The following BDP1 variants were observed in gnomAD, a reference collection of about 807,000 sequenced individuals.
BDP1 encodes the protein BDP1 general transcription factor IIIB subunit, also known as transcription factor TFIIIB component B'' homolog.
Under a neutral mutation model 266.6 loss-of-function variants are expected in BDP1, and 169 were observed. That is an observed-to-expected ratio of 0.63 (90% CI 0.56 to 0.72). The LOEUF (loss-of-function observed/expected upper bound fraction) is 0.72. Ranked by LOEUF, BDP1 falls within the 30% of genes least tolerant of loss-of-function variation. BDP1 has a pLI of 0.00. For synonymous variants in BDP1, 1,090 were observed against 1,022.4 expected, an observed-to-expected ratio of 1.07 and a Z score of -1.26; for missense variants, 3,015 against 3,053.8, an observed-to-expected ratio of 0.99 and a Z score of 0.30.
chr5:71,549,103 T>G (rs1742554158), intron 33 of BDP1, among the ~76,000 whole-genome samples: 1 of 152,122 alleles, frequency 6.6e-6, no homozygotes, highest in Non-Finnish European at 1.5e-5. Flanking sequence ...CCAGGCACGG[T>G]GGCATGCACC....
chr5:71,506,655 T>G (rs1764591174), intron 16 of BDP1, among the ~76,000 whole-genome samples: 1 of 151,888 alleles, frequency 6.6e-6, no homozygotes, highest in East Asian at 1.9e-4. Context: ...GAGTATTTCT[T>G]TGAAATTTAA....
At chr5:71,548,637 A>G (rs771280140) in intron 32 of BDP1, 45 bp from the exon 33 acceptor site, 1 of 1,245,124 alleles carries the variant, frequency 8.0e-7, no homozygotes, top group Non-Finnish European at 1.2e-6. Context: ...TTTTAAATGT[A>G]AGATTTGGCC....
chr5:71,455,731 G>A lies in BDP1; in HGVS notation c.-147G>A. On this transcript the variant is annotated 5_prime_UTR_variant, in exon 1 of 39. Coordinates refer to ENST00000358731, the MANE Select transcript of BDP1 (RefSeq NM_018429.3). ...GGGAGAGAGGAGGAGGCGGCGGCGG[G>A]GCAGTGAAACTACGGTAGCTGCCCC... 3.0e-6 allele frequency: 2 copies of A among 672,144 alleles called. No individual in the cohort carries two copies. The highest frequency in any genetic ancestry group is 5.0e-6 in the Non-Finnish European group (2 of 398,772). The allele number at this position is 672,144 out of a possible 1,614,324, so 41.6% of individuals were successfully genotyped here.
intron 12 of BDP1, 95 bp downstream of exon 12, chr5:71,495,503 T>C (rs1319072319): frequency 1.1e-5 from 8 of 728,538 alleles, no homozygotes; most frequent in African/African-American, 1.8e-5. Flanking sequence ...GAGGGGATTA[T>C]TAATACATAC....
At chr5:71,552,265 G>C (rs190888619) in intron 34 of BDP1, among the ~76,000 whole-genome samples, 2 of 149,486 alleles carry the variant, frequency 1.3e-5, no homozygotes, top group East Asian at 2.0e-4. Context: ...GATGATGGGC[G>C]GCCGGGCAGA....
the BDP1 span, among the ~76,000 whole-genome samples, chr5:71,573,373 C>T: frequency 6.6e-6 from 1 of 152,206 alleles, no homozygotes; most frequent in South Asian, 2.1e-4. Flanking sequence ...TAATTTTACG[C>T]TCTGCTGCCA....
chr5:71,496,636 G>A (rs1414829353), intron 12 of BDP1, among the ~76,000 whole-genome samples: 1 of 152,130 alleles, frequency 6.6e-6, no homozygotes, highest in African/African-American at 2.4e-5. Flanking sequence ...AGGCTGGAGT[G>A]CAGTGGCACC....
intron 27 of BDP1, 23 bp from the exon 28 acceptor site, chr5:71,539,534 A>G: frequency 5.2e-6 from 8 of 1,550,708 alleles, no homozygotes; most frequent in Non-Finnish European, 7.1e-6. Flanking sequence ...CTTTTTTTTA[A>G]TGTTGATATA....
intron 26 of BDP1, 39 bp downstream of exon 26, chr5:71,532,466 T>G (rs762706870): frequency 6.3e-7 from 1 of 1,594,180 alleles, no homozygotes; most frequent in Non-Finnish European, 8.6e-7. Flanking sequence ...CTTTTATTCT[T>G]TGTTTACTTT....
rs200812578 is a variant in BDP1, at chr5:71,509,465, C to T, written c.2373C>T (p.Ser791=). 16 of 1,546,956 alleles carry T rather than the reference C, an allele frequency of 1.0e-5. No homozygotes were observed. The highest frequency in any genetic ancestry group is 2.3e-5 in the East Asian group (1 of 44,420). ...DEPKVLNECL[S]VQENNKANKL... is the part of the protein sequence containing the mutation. ...TGTGTGCCCCCTTTTTTTTTTATAG[C>T]GTTCAAGAGAATAATAAGGCAAATA... is the stretch of plus-strand genomic sequence containing the variant. Residue 791 remains serine, a splice_region_variant and synonymous_variant, in exon 17 of 39, where the codon AGC becomes AGT. Coordinates refer to ENST00000358731, the MANE Select transcript of BDP1 (RefSeq NM_018429.3).
At chr5:71,491,171 G>A (rs1215904357) in intron 11 of BDP1, 40 bp downstream of exon 11, 1 of 1,583,816 alleles carries the variant, frequency 6.3e-7, no homozygotes, top group Non-Finnish European at 8.7e-7. Flanking sequence ...CACATCTGTT[G>A]ATTACTGAGA....
chr5:71,574,360 C>T, the BDP1 span, among the ~76,000 whole-genome samples: 1 of 152,180 alleles, frequency 6.6e-6, no homozygotes, highest in Admixed American at 6.5e-5. Context: ...ATGGCACCCC[C>T]CTGTCAGGAA....
chr5:71,575,578 A>G, the BDP1 span, among the ~76,000 whole-genome samples: 16 of 152,174 alleles, frequency 1.1e-4, no homozygotes, highest in Non-Finnish European at 2.1e-4. Context: ...ACCTTACAGA[A>G]AGGTTTACCA....
intron 11 of BDP1, 64 bp downstream of exon 11, chr5:71,491,195 G>T: frequency 6.8e-7 from 1 of 1,461,208 alleles, no homozygotes; most frequent in African/African-American, 1.4e-5. Context: ...GAGTGTTGAA[G>T]TCTCCATCTG....
At chr5:71,498,935 G>A (rs1032918206) in intron 13 of BDP1, among the ~76,000 whole-genome samples, 2 of 151,870 alleles carry the variant, frequency 1.3e-5, no homozygotes, top group African/African-American at 4.8e-5. Flanking sequence ...TGTTGGCCAA[G>A]CTTGTCTTGA....
Position 71,510,314 on chromosome 5 carries a change from G to C in BDP1, c.3222G>C (p.Arg1074Ser). Residue 1074 changes from arginine to serine, a missense_variant, in exon 17 of 39, where the codon AGG becomes AGC. Physicochemically the swap from Arg to Ser is moderately radical, Grantham distance 110. Coordinates refer to ENST00000358731, the MANE Select transcript of BDP1 (RefSeq NM_018429.3). ...LKATGRDSFP[R>S]GKTPEVIDAI... ...CAACTGGAAGAGACAGTTTCCCAAG[G>C]GGGAAGACACCAGAGGTGATTGATG... 6.2e-7 allele frequency: 1 copy of C among 1,613,802 alleles called. No individual in the cohort carries two copies. Among genetic ancestry groups the C allele is most frequent in the Middle Eastern group, 1.7e-4 (1 of 6,058 alleles).
chr5:71,510,183 G>A lies in BDP1; in HGVS notation c.3091G>A (p.Ala1031Thr). 3.1e-6 allele frequency: 5 copies of A among 1,613,984 alleles called. No individual in the cohort carries two copies. The highest frequency in any genetic ancestry group is 4.2e-6 in the Non-Finnish European group (5 of 1,179,980). ...PREKTPEVID[A>T]TEEIDLEETE... ...GGAGAAGACACCAGAGGTGATTGAT[G>A]CTACTGAGGAAATAGATTTGGAAGA... is the stretch of plus-strand genomic sequence containing the variant. The change falls in exon 17 of 39, where the codon GCT (alanine) becomes ACT (threonine). Residue 1031 changes from alanine to threonine, a missense_variant. By Grantham distance (58) the Ala-to-Thr change is moderately conservative (BLOSUM62 0). Around this residue, in one of 3 missense-constraint regions of BDP1, gnomAD observed 2,383 missense variants for 2,404.9 expected, o/e 0.99. Coordinates refer to ENST00000358731, the MANE Select transcript of BDP1 (RefSeq NM_018429.3).
chr5:71,483,776 C>A, intron 7 of BDP1, 66 bp from the exon 8 acceptor site: 1 of 1,161,126 alleles, frequency 8.6e-7, no homozygotes, highest in Non-Finnish European at 1.3e-6. Flanking sequence ...TTAATGCTTA[C>A]TGCATTTAAA....
intron 1 of BDP1, among the ~76,000 whole-genome samples, chr5:71,456,574 C>T (rs1475547872): frequency 2.6e-5 from 4 of 151,996 alleles, no homozygotes. Context: ...CTATGGTGAC[C>T]GTGTTTCCTG....
Sources: gnomAD v4.1 joint callset for allele counts (sites outside exome capture counted in the v4.1 genomes callset) on GRCh38, gnomAD v4.1.1 for gene constraint, gnomAD v4.1.1 regional missense constraint, MANE v1.5 for transcripts, NCBI Gene and HGNC (gene_info 2026-07-23, HGNC 2026-07-21) for gene names.